CAPN3: variants seen among roughly 807,000 people sequenced by gnomAD.
CAPN3 encodes the protein calpain-3.
A neutral mutation model predicts 114.0 loss-of-function variants in CAPN3; 88 were observed. The ratio of observed to expected loss-of-function variants is 0.77; its 90% CI spans 0.65 to 0.92. CAPN3 has a LOEUF of 0.92. Among genes scored for constraint, CAPN3 ranks in the 40% least tolerant of loss-of-function variants. CAPN3 has a pLI of 0.00. For synonymous variants in CAPN3, 386 were observed against 382.9 expected, an observed-to-expected ratio of 1.01 and a Z score of -0.09; for missense variants, 1,028 against 1,069.0, an observed-to-expected ratio of 0.96 and a Z score of 0.53.
intron 1 of CAPN3, among the ~76,000 whole-genome samples, chr15:42,366,054 C>T (rs763855360): frequency 3.3e-5 from 5 of 152,100 alleles, no homozygotes; most frequent in Non-Finnish European, 7.4e-5. Flanking sequence ...CAGAGGGTGT[C>T]CATGGAAGGT....
At chr15:42,393,055 G>C (rs2053602979) in intron 7 of CAPN3, among the ~76,000 whole-genome samples, 1 of 152,166 alleles carries the variant, frequency 6.6e-6, no homozygotes, top group South Asian at 2.1e-4. Flanking sequence ...CTCGTGTTCA[G>C]ATAGCTACAG....
At chr15:42,406,512 T>TC (rs2054027140) in intron 15 of CAPN3, among the ~76,000 whole-genome samples, 1 of 152,084 alleles carries the variant, frequency 6.6e-6, no homozygotes, top group African/African-American at 2.4e-5. Flanking sequence ...TCTCTTTTTT[T>TC]TCCCCCCCAA....
chr15:42,409,382 T>G lies in CAPN3; in HGVS notation c.1992+2T>G. ...ATTTTCAAGCAGATAGCAGGAGATG[T>G]GAGTACCTCCAAGCCCAGGACGCCC... is the stretch of plus-strand genomic sequence containing the variant. On this transcript the variant is annotated splice_donor_variant, in intron 17 of 23. Transcript: ENST00000397163. LOFTEE classifies it high-confidence loss of function. 1 of 1,613,780 alleles carries G rather than the reference T, an allele frequency of 6.2e-7. No individual in the cohort carries two copies. Among genetic ancestry groups the G allele is most frequent in the Non-Finnish European group, 8.5e-7 (1 of 1,179,656 alleles).
chr15:42,378,695 A>C (rs2053157018), intron 1 of CAPN3, among the ~76,000 whole-genome samples: 1 of 151,744 alleles, frequency 6.6e-6, no homozygotes. Flanking sequence ...CTTTAGGCTT[A>C]AGTATCTCTT....
intron 23 of CAPN3, 82 bp from the exon 24 acceptor site, chr15:42,411,665 C>G (rs1450414961): frequency 3.5e-6 from 3 of 859,228 alleles, no homozygotes; most frequent in Non-Finnish European, 5.8e-6. Flanking sequence ...TCCCTTTCCT[C>G]TTGCCCCGTA....
At chr15:42,409,409 C>T (rs777600035) in intron 17 of CAPN3, 29 bp downstream of exon 17, 1 of 1,567,368 alleles carries the variant, frequency 6.4e-7, no homozygotes, top group South Asian at 1.1e-5. Context: ...AGGACGCCCA[C>T]AGGTGCTTCC....
Position 42,410,012 on chromosome 15 carries a change from C to T in CAPN3, c.2115+17C>T. On this transcript the variant is annotated intron_variant, in intron 19 of 23. Coordinates refer to ENST00000397163, the MANE Select transcript of CAPN3 (RefSeq NM_000070.3). ...CTCATGGATGTATCCTTCCTGCCGC[C>T]CCTTCCCGACCCTCTGTCATCAGCC... 1 of 1,610,162 alleles carries T rather than the reference C, an allele frequency of 6.2e-7. No individual in the cohort carries two copies. The highest frequency in any genetic ancestry group is 8.5e-7 in the Non-Finnish European group (1 of 1,178,266).
rs2053809265 is a variant in CAPN3, at chr15:42,399,642, C to T, written c.1344C>T (p.Arg448=). The T allele has an allele frequency of 6.2e-7, 1 of 1,602,720 alleles. No homozygotes were observed. Among genetic ancestry groups the T allele is most frequent in the African/African-American group, 1.3e-5 (1 of 74,860 alleles). ...WVRGCSAGGC[R]NFPDTFWTNP... ...GGGGTTGCTCTGCCGGAGGCTGCCG[C>T]AACTTCCCAGGTGGGAGATGCTCTT... is the stretch of plus-strand genomic sequence containing the variant. Residue 448 remains arginine (R), a synonymous_variant, in exon 10 of 24, where the codon CGC becomes CGT. Transcript: ENST00000397163.
chr15:42,380,728 C>CATATATATATATATATATAT (rs1263058025), intron 1 of CAPN3, among the ~76,000 whole-genome samples: 5 of 70,100 alleles, frequency 7.1e-5, no homozygotes, highest in South Asian at 4.8e-4. Context: ...CCACCTTCCC[C>CATATATATATATATATATAT]ATATATATAT....
intron 1 of CAPN3, among the ~76,000 whole-genome samples, chr15:42,367,331 C>T (rs2052814554): frequency 6.6e-6 from 1 of 152,172 alleles, no homozygotes; most frequent in East Asian, 1.9e-4. Context: ...AGTGAGGAGG[C>T]TCTGCCCTCT....
At chr15:42,396,240 C>CTT (rs1566978220) in intron 8 of CAPN3, among the ~76,000 whole-genome samples, 7 of 143,160 alleles carry the variant, frequency 4.9e-5, no homozygotes, top group African/African-American at 2.0e-4. Flanking sequence ...GTCCAGAACC[C>CTT]ATTTTTTTTT....
rs183898260 is a variant in CAPN3 at position 42,372,401 on chromosome 15, C to G, written c.310-12082C>G. 2.9e-3 allele frequency among the ~76,000 whole-genome samples: 439 copies of G among 152,344 alleles called. 8 individuals carry two copies. The highest frequency in any genetic ancestry group is 0.024 in the Admixed American group (363 of 15,304). Reference sequence around the variant, plus strand: ...CTCAAACTCTTGACCTCAGGTGACCCCCTACCCTTGGCCTCCCAAAGTGCT... The same window carrying G: ...CTCAAACTCTTGACCTCAGGTGACCGCCTACCCTTGGCCTCCCAAAGTGCT... On this transcript the variant is annotated intron_variant, in intron 1 of 23. Coordinates refer to ENST00000397163, the MANE Select transcript of CAPN3 (RefSeq NM_000070.3).
chr15:42,366,834 T>TTC (rs1469813224), intron 1 of CAPN3, among the ~76,000 whole-genome samples: 3 of 141,704 alleles, frequency 2.1e-5, no homozygotes, highest in Non-Finnish European at 4.5e-5. Context: ...TTTTCTTTTT[T>TTC]TTTTTCTTTT....
At chr15:42,394,232 G>A (rs1468284308) in intron 7 of CAPN3, 24 bp from the exon 8 acceptor site, 1 of 1,546,764 alleles carries the variant, frequency 6.5e-7, no homozygotes. Flanking sequence ...TGCAGAGCAT[G>A]AGAGCTCTTT....
In CAPN3 at chr15:42,361,153, G is replaced by C. The variant is rs140970255; in HGVS notation, c.309+1039G>C. Among the ~76,000 whole-genome samples, 427 of 152,256 alleles carry C rather than the reference G, an allele frequency of 2.8e-3. 3 individuals are homozygous for C. The highest frequency in any genetic ancestry group is 8.9e-3 in the African/African-American group (370 of 41,546). Reference sequence around the variant, plus strand: ...TGACAAGCTGAGACCCAATACTATTGATTAGCCATGGTTTTCTTTAACCTA... The same window carrying C: ...TGACAAGCTGAGACCCAATACTATTCATTAGCCATGGTTTTCTTTAACCTA... On this transcript the variant is annotated intron_variant, in intron 1 of 23. Coordinates refer to ENST00000397163, the MANE Select transcript of CAPN3 (RefSeq NM_000070.3).
chr15:42,381,905 CCTT>C (rs1465503331), intron 1 of CAPN3, among the ~76,000 whole-genome samples: 5 of 152,152 alleles, frequency 3.3e-5, no homozygotes. Flanking sequence ...ATGTTAGTGT[CCTT>C]CTATACCTGG....
intron 10 of CAPN3, 34 bp downstream of exon 10, chr15:42,399,686 G>T: frequency 6.4e-7 from 1 of 1,556,048 alleles, no homozygotes; most frequent in African/African-American, 1.4e-5. Context: ...GAGGGTCTAA[G>T]CCGAAAAAGT....
chr15:42,367,966 C>G (rs2052832257), intron 1 of CAPN3, among the ~76,000 whole-genome samples: 1 of 152,144 alleles, frequency 6.6e-6, no homozygotes, highest in African/African-American at 2.4e-5. Context: ...ATCATGTCAT[C>G]CCTCTTTTAG....
intron 3 of CAPN3, among the ~76,000 whole-genome samples, chr15:42,386,678 C>T (rs1212838567): frequency 6.6e-6 from 1 of 152,160 alleles, no homozygotes; most frequent in African/African-American, 2.4e-5. Flanking sequence ...ATACTTCTTC[C>T]TCTCTAAGGC....
Sources: gnomAD v4.1 joint callset for allele counts (sites outside exome capture counted in the v4.1 genomes callset) on GRCh38, gnomAD v4.1.1 for gene constraint, MANE v1.5 for transcripts, NCBI Gene and HGNC (gene_info 2026-07-23, HGNC 2026-07-21) for gene names.